OLFM1: variants seen among roughly 807,000 people sequenced by gnomAD.
OLFM1 encodes olfactomedin 1.
OLFM1 carries 9 observed loss-of-function variants against 49.7 expected under a neutral mutation model. The ratio of observed to expected loss-of-function variants is 0.18; its 90% CI spans 0.11 to 0.32. The LOEUF (loss-of-function observed/expected upper bound fraction) is 0.32. Ranked by LOEUF, OLFM1 falls within the 10% of genes least tolerant of loss-of-function variation. The probability of loss-of-function intolerance (pLI) is 1.00; values close to 1 mark genes in which losing one functional copy is unlikely to be tolerated. For missense variants in OLFM1, 369 were observed against 661.8 expected (o/e 0.56, Z 4.85); for synonymous variants, 240 against 271.8 (o/e 0.88, Z 1.15).
rs755173908 is a variant in OLFM1, at chr9:135,097,756, C to T, written c.457-530C>T. 127 of 1,591,472 alleles carry T rather than the reference C, an allele frequency of 8.0e-5. 1 individual carries two copies. Among genetic ancestry groups the T allele is most frequent in the African/African-American group, 3.6e-4 (27 of 74,444 alleles). ...GCAGGCTAGTGAGCTAGTTCTTCAACGGTATTTCATTTTCTTACTTGCAGG... is the reference window on the plus strand; with the variant it reads ...GCAGGCTAGTGAGCTAGTTCTTCAATGGTATTTCATTTTCTTACTTGCAGG... On this transcript the variant is annotated intron_variant, in intron 3 of 5. Transcript: ENST00000371793.
At chr9:135,095,780 A>G (rs1360532945) in intron 2 of OLFM1, 84 bp from the exon 3 acceptor site, 7 of 1,446,972 alleles carry the variant, frequency 4.8e-6, no homozygotes, top group Non-Finnish European at 4.8e-6. Flanking sequence ...TGTGTGGGAA[A>G]GGGCAATGTC....
At position 135,088,120 on chromosome 9, in the gene OLFM1, C is replaced by T. The variant is rs1437974589; in HGVS notation, c.131C>T (p.Thr44Met). 1 of 1,397,332 alleles carries T rather than the reference C, an allele frequency of 7.2e-7. No individual in the cohort carries two copies. The highest frequency in any genetic ancestry group is 1.5e-5 in the South Asian group (1 of 64,792). The allele number at this position is 1,397,332 out of a possible 1,614,324, so 86.6% of individuals were successfully genotyped here. ...TTKLSAAGGGTLDRSTGVLPT... is the reference protein window; with the variant it reads ...TTKLSAAGGGMLDRSTGVLPT... Reference sequence around the variant, plus strand: ...AAGCTCTCGGCGGCCGGCGGCGGGACGCTGGACCGCAGCACCGGCGTAAGT... The same window carrying T: ...AAGCTCTCGGCGGCCGGCGGCGGGATGCTGGACCGCAGCACCGGCGTAAGT... The change falls in exon 1 of 6, where the codon ACG becomes ATG. Residue 44 changes from threonine to methionine, a missense_variant. Physicochemically the swap from Thr to Met is moderately conservative, Grantham distance 81. Transcript: ENST00000371793. This position sits in a 1 kb window ranked among gnomAD's most constrained non-coding sequence, Gnocchi z 4.8.
Position 135,087,834 on chromosome 9 carries a change from GGGCGGC to G in OLFM1, c.-144_-139del, listed in dbSNP as rs995488041. 7.6e-6 allele frequency: 7 copies of G among 923,756 alleles called. No individual in the cohort carries two copies. The highest frequency in any genetic ancestry group is 9.0e-6 in the Non-Finnish European group (7 of 776,394). 57.2% of individuals were successfully genotyped at this position (923,756 alleles called of 1,614,324 possible). ...GGCGCGGCGATGGCCGGGGCGCGCG[GGGCGGC>G]GGCGGCGGCGGGCGGGCGGCGGCGG... On this transcript the variant is annotated 5_prime_UTR_variant, in exon 1 of 6. Transcript: ENST00000371793.
intron 2 of OLFM1, among the ~76,000 whole-genome samples, chr9:135,093,192 T>C (rs571420566): frequency 6.6e-6 from 1 of 152,330 alleles, no homozygotes; most frequent in South Asian, 2.1e-4. Context: ...AACCCAGGTA[T>C]GTACAGCCCT....
intron 5 of OLFM1, 66 bp downstream of exon 5, chr9:135,106,921 C>T: frequency 7.6e-7 from 1 of 1,308,124 alleles, no homozygotes; most frequent in Non-Finnish European, 1.1e-6. Flanking sequence ...CTGGTGGGCC[C>T]CAGACATGGG....
At chr9:135,093,632 G>A (rs1450962524) in intron 2 of OLFM1, among the ~76,000 whole-genome samples, 1 of 152,200 alleles carries the variant, frequency 6.6e-6, no homozygotes, top group Non-Finnish European at 1.5e-5. Flanking sequence ...GTTGGGTAGG[G>A]TGTGGGATAG....
At chr9:135,085,620 G>A (rs1830586982), upstream of OLFM1, among the ~76,000 whole-genome samples, 1 of 152,272 alleles carries the variant, frequency 6.6e-6, no homozygotes, top group African/African-American at 2.4e-5. Flanking sequence ...CAGGTGTGAT[G>A]AGCCCTGGCT....
In OLFM1 at chr9:135,119,836, G is replaced by A. The variant is rs1220196970; in HGVS notation, c.1116G>A (p.Gln372=). The change falls in exon 6 of 6, where the codon CAG becomes CAA. Residue 372 remains glutamine (Q), a synonymous_variant. Transcript: ENST00000371793. ...TGTGGGCCGTGTACGCCACCAACCA[G>A]AACGCTGGCAACATCGTGGTCAGTA... ...SGLWAVYATN[Q]NAGNIVVSRL... 4 of 1,613,710 alleles carry A rather than the reference G, an allele frequency of 2.5e-6. No individual in the cohort carries two copies. The East Asian group carries it at 6.7e-5, about 27-fold the overall frequency.
Position 135,095,848 on chromosome 9 carries a change from G to A in OLFM1, c.301-16G>A. 1 of 1,612,050 alleles carries A rather than the reference G, an allele frequency of 6.2e-7. No homozygotes were observed. Among genetic ancestry groups the A allele is most frequent in the Non-Finnish European group, 8.5e-7 (1 of 1,178,814 alleles). On this transcript the variant is annotated splice_polypyrimidine_tract_variant and intron_variant, in intron 2 of 5. Transcript: ENST00000371793. ...CTACTGCGGCTGTTTTGCTGAACCTGTTGCCCTTTTGACAGGTGCAGAACA... is the reference window on the plus strand; with the variant it reads ...CTACTGCGGCTGTTTTGCTGAACCTATTGCCCTTTTGACAGGTGCAGAACA...
In OLFM1 at chr9:135,119,428, G is replaced by T. The variant is rs183130165; in HGVS notation, c.784-76G>T. On this transcript the variant is annotated intron_variant, in intron 5 of 5. Transcript: ENST00000371793. ...TCTTTGGAGTACTCACTGGATCTTT[G>T]GAAGTGCTCACTGGGTCTTTGGAGT... 2,606 of 1,252,322 alleles carry T rather than the reference G, an allele frequency of 2.1e-3. 4 individuals carry two copies. Among genetic ancestry groups the T allele is most frequent in the Non-Finnish European group, 2.7e-3 (2,396 of 888,464 alleles). The allele number at this position is 1,252,322 out of a possible 1,614,324, so 77.6% of individuals were successfully genotyped here. A position where few individuals can be genotyped will look rare whatever the true frequency, so the allele number is the denominator to read the frequency against.
intron 5 of OLFM1, among the ~76,000 whole-genome samples, chr9:135,111,913 C>A (rs945027441): frequency 1.3e-5 from 2 of 152,110 alleles, no homozygotes; most frequent in African/African-American, 4.8e-5. Flanking sequence ...GACAGGGTTT[C>A]ACCACATTGG....
intron 2 of OLFM1, among the ~76,000 whole-genome samples, chr9:135,094,373 G>T (rs556758850): frequency 1.3e-5 from 2 of 152,346 alleles, no homozygotes; most frequent in African/African-American, 4.8e-5. Context: ...TTTTAACTCA[G>T]TCCATCAGAG....
chr9:135,077,256 G>A, intron 1 of OLFM1: 1 of 1,459,382 alleles, frequency 6.9e-7, no homozygotes, highest in Non-Finnish European at 9.1e-7. Context: ...CTATGCCTGT[G>A]TCTTATTGAG....
exon 1 of OLFM1, chr9:135,075,582 G>A (rs2119077087): frequency 2.3e-6 from 1 of 440,326 alleles, no homozygotes; most frequent in African/African-American, 2.1e-5. Flanking sequence ...CGCCCGCTCC[G>A]GGTGCTGAAT....
rs368908807 is a variant in OLFM1 at position 135,078,069 on chromosome 9, A to G, written c.96+2267A>G. Among the ~76,000 whole-genome samples the G allele has an allele frequency of 2.4e-4, 36 of 152,318 alleles. 3 individuals carry two copies. The highest frequency in any genetic ancestry group is 8.7e-4 in the African/African-American group (36 of 41,578). On this transcript the variant is annotated intron_variant, in intron 1 of 5. Coordinates refer to the OLFM1 transcript ENST00000252854. ...GGCAGGACCAGCCTGCTCTGATTCC[A>G]AGAGCTACTGGGGGACATCCATCCC...
Position 135,111,377 on chromosome 9 carries a change from G to A in OLFM1, c.783+4522G>A, listed in dbSNP as rs563266389. Among the ~76,000 whole-genome samples, 59 of 152,300 alleles carry A rather than the reference G, an allele frequency of 3.9e-4. 2 individuals carry two copies. The highest frequency in any genetic ancestry group is 6.8e-3 in the Middle Eastern group (2 of 294). On this transcript the variant is annotated intron_variant, in intron 5 of 5. Transcript: ENST00000371793. Reference sequence around the variant, plus strand: ...GCTGTGCTCGGGGCAGGGTGGCCTCGCTCGCCGTCTGGCCGCAGGCTCTCA... The same window carrying A: ...GCTGTGCTCGGGGCAGGGTGGCCTCACTCGCCGTCTGGCCGCAGGCTCTCA...
rs181755517 is a variant in OLFM1, at chr9:135,107,485, G to A, written c.783+630G>A. Reference sequence around the variant, plus strand: ...GAGCCCCTTTGAAAAATGGGGAGGTGAGGGTGGCTGCCCGACTGATGGTGA... The same window carrying A: ...GAGCCCCTTTGAAAAATGGGGAGGTAAGGGTGGCTGCCCGACTGATGGTGA... On this transcript the variant is annotated intron_variant, in intron 5 of 5. Coordinates refer to ENST00000371793, the MANE Select transcript of OLFM1 (RefSeq NM_001282611.2). Among the ~76,000 whole-genome samples, 86 of 152,298 alleles carry A rather than the reference G, an allele frequency of 5.6e-4. No homozygotes were observed. In the East Asian group the frequency reaches 6.8e-3, roughly 12 times the overall value.
At chr9:135,076,458 C>T (rs2119079154) in intron 1 of OLFM1, 1 of 1,419,860 alleles carries the variant, frequency 7.0e-7, no homozygotes, top group Non-Finnish European at 9.2e-7. Flanking sequence ...GCTTGTCGTA[C>T]CCTGAACAAT....
At chr9:135,096,306 TC>T (rs1830797608) in intron 3 of OLFM1, among the ~76,000 whole-genome samples, 1 of 142,332 alleles carries the variant, frequency 7.0e-6, no homozygotes, top group Non-Finnish European at 1.5e-5. Flanking sequence ...ATCCTCCTTT[TC>T]CTCCTCCCTC....
Sources: gnomAD v4.1 joint callset for allele counts (sites outside exome capture counted in the v4.1 genomes callset) on GRCh38, gnomAD v4.1.1 for gene constraint, Gnocchi (gnomAD v3.1) non-coding constraint, MANE v1.5 for transcripts, NCBI Gene and HGNC (gene_info 2026-07-23, HGNC 2026-07-21) for gene names.